SLMAP: variants seen among roughly 807,000 people sequenced by gnomAD.
The protein encoded by SLMAP is sarcolemmal membrane-associated protein.
In SLMAP, 44 loss-of-function variants were observed where a neutral mutation model predicts 128.8. That is an observed-to-expected ratio of 0.34 (90% confidence interval 0.27 to 0.44). SLMAP has a LOEUF of 0.44. Among genes scored for constraint, SLMAP ranks in the 20% least tolerant of loss-of-function variants. The probability of loss-of-function intolerance (pLI) is 1.00; values close to 1 mark genes in which losing one functional copy is unlikely to be tolerated. For synonymous variants in SLMAP, 327 were observed against 348.8 expected (o/e 0.94, Z 0.70); for missense variants, 787 against 985.3 (o/e 0.80, Z 2.69).
intron 22 of SLMAP, chr3:57,917,391 G>T: frequency 4.8e-6 from 2 of 417,550 alleles, no homozygotes; most frequent in South Asian, 2.6e-5. Flanking sequence ...AGAGAGTATC[G>T]TATGTAACTT....
chr3:57,908,894 A>G (rs1269235706), intron 18 of SLMAP, among the ~76,000 whole-genome samples, 182 bp from the exon 19 acceptor site: 2 of 152,238 alleles, frequency 1.3e-5, no homozygotes, highest in Non-Finnish European at 2.9e-5. Context: ...ATTACTTACT[A>G]CAGTTCTGTG....
intron 3 of SLMAP, among the ~76,000 whole-genome samples, chr3:57,832,766 T>G (rs954093306): frequency 2.6e-5 from 4 of 152,200 alleles, no homozygotes; most frequent in African/African-American, 9.6e-5. Flanking sequence ...AGTATTATTT[T>G]TAATGGGTTT....
chr3:57,929,031 A>G lies in SLMAP; in HGVS notation c.*1742A>G, dbSNP rs1447265352. 2.0e-5 allele frequency: 3 copies of G among 152,618 alleles called. No individual in the cohort carries two copies. The highest frequency in any genetic ancestry group is 3.8e-4 in the East Asian group (2 of 5,208). 9.5% of individuals were successfully genotyped at this position (152,618 alleles called of 1,614,324 possible). Reference sequence around the variant, plus strand: ...CTGAAATGCTTAACTTCAGAATTACATTTTTTAAAGTAAATAATTGTTTTA... The same window carrying G: ...CTGAAATGCTTAACTTCAGAATTACGTTTTTTAAAGTAAATAATTGTTTTA... On this transcript the variant is annotated 3_prime_UTR_variant, in exon 25 of 25. Transcript: ENST00000671191.
Position 57,858,130 on chromosome 3 carries a change from A to G in SLMAP, c.658A>G (p.Met220Val). ...EDRLLSRLEVMGNQLQACSKN... is the reference protein window; with the variant it reads ...EDRLLSRLEVVGNQLQACSKN... ...TAGACTCTTATCACGGTTAGAAGTT[A>G]TGGGAAACCAATTACAGGCATGCTC... The change falls in exon 8 of 25, where the codon ATG becomes GTG. Residue 220 changes from methionine to valine, a missense_variant. By Grantham distance (21) the Met-to-Val change is conservative. Around this residue, in one of 2 missense-constraint regions of SLMAP, gnomAD observed 715 missense variants for 843.6 expected, o/e 0.85. Transcript: ENST00000671191. The G allele has an allele frequency of 6.2e-7, 1 of 1,601,782 alleles. No individual in the cohort carries two copies. The highest frequency in any genetic ancestry group is 8.6e-7 in the Non-Finnish European group (1 of 1,168,870).
chr3:57,851,507 C>G (rs1398617786), intron 6 of SLMAP, among the ~76,000 whole-genome samples: 23 of 150,258 alleles, frequency 1.5e-4, no homozygotes, highest in Non-Finnish European at 3.2e-4. Context: ...GACTTTCGCT[C>G]TGTCACCCAC....
intron 14 of SLMAP, among the ~76,000 whole-genome samples, chr3:57,881,798 G>T (rs936898647): frequency 2.0e-5 from 3 of 152,090 alleles, no homozygotes; most frequent in Non-Finnish European, 4.4e-5. Flanking sequence ...TGATTCACAA[G>T]ATTTGAAAAT....
At chr3:57,913,592 A>T (rs1487369805) in intron 21 of SLMAP, among the ~76,000 whole-genome samples, 1 of 152,218 alleles carries the variant, frequency 6.6e-6, no homozygotes, top group South Asian at 2.1e-4. Context: ...TAAATTTCAA[A>T]TATCAACTGC....
At chr3:57,831,573 GTTAT>G (rs1560151244) in intron 3 of SLMAP, 43 bp downstream of exon 3, 2 of 1,339,924 alleles carry the variant, frequency 1.5e-6, no homozygotes, top group Non-Finnish European at 2.0e-6. Context: ...TCTTTTAAAG[GTTAT>G]TTAATTTTTT....
At chr3:57,797,018 A>AT (rs59415183) in intron 2 of SLMAP, among the ~76,000 whole-genome samples, 24,179 of 148,530 alleles carry the variant, frequency 0.16, 2,397 homozygotes, top group East Asian at 0.43. Flanking sequence ...CGTCTCTATA[A>AT]TTTTTTTTTT....
rs17554850 is a variant in SLMAP, at chr3:57,841,157, A to G, written c.347-142A>G. On this transcript the variant is annotated intron_variant, in intron 3 of 24. Coordinates refer to ENST00000671191, the MANE Select transcript of SLMAP (RefSeq NM_001377540.1). The stretch of plus-strand genomic sequence containing the variant: ...GGACAAGATGAGTTTCTCCAGGGTA[A>G]TAATGTCATTAAACCACTAGCTTTA... The G allele has an allele frequency of 0.12, 62,119 of 498,390 alleles. 4,225 individuals are homozygous for G. Among genetic ancestry groups the G allele is most frequent in the South Asian group, 0.16 (4,616 of 28,776 alleles). The allele number at this position is 498,390 out of a possible 1,614,324, so 30.9% of individuals were successfully genotyped here.
chr3:57,849,235 T>C (rs2094418274), intron 5 of SLMAP, among the ~76,000 whole-genome samples: 1 of 152,190 alleles, frequency 6.6e-6, no homozygotes, highest in Non-Finnish European at 1.5e-5. Flanking sequence ...TTCTATATTC[T>C]ACAGCCTTGA....
At chr3:57,923,189 G>A (rs1005346401) in intron 23 of SLMAP, among the ~76,000 whole-genome samples, 166 bp downstream of exon 23, 2 of 152,196 alleles carry the variant, frequency 1.3e-5, no homozygotes, top group African/African-American at 4.8e-5. Context: ...AGATTTTTGA[G>A]TAAGAATTTG....
At chr3:57,822,516 A>G (rs950982424) in intron 2 of SLMAP, among the ~76,000 whole-genome samples, 1 of 152,194 alleles carries the variant, frequency 6.6e-6, no homozygotes, top group African/African-American at 2.4e-5. Context: ...GAACATTTGC[A>G]GCATCCAAGG....
At chr3:57,908,523 G>A (rs1013411766) in intron 18 of SLMAP, among the ~76,000 whole-genome samples, 3 of 152,264 alleles carry the variant, frequency 2.0e-5, no homozygotes, top group African/African-American at 7.2e-5. Context: ...TCTCCAAGAT[G>A]GCCTTCCTGC....
intron 2 of SLMAP, among the ~76,000 whole-genome samples, chr3:57,825,500 C>CTTTTTTTTTT (rs539901060): frequency 5.6e-5 from 6 of 106,576 alleles, no homozygotes; most frequent in African/African-American, 1.0e-4. Flanking sequence ...TGTGTGTTTT[C>CTTTTTTTTTT]TTTTTTTTTT....
chr3:57,822,914 A>G (rs995004014), intron 2 of SLMAP, among the ~76,000 whole-genome samples: 2 of 152,242 alleles, frequency 1.3e-5, no homozygotes, highest in Non-Finnish European at 2.9e-5. Flanking sequence ...CAGTGACCAC[A>G]TATGGCAGGG....
intron 2 of SLMAP, among the ~76,000 whole-genome samples, chr3:57,762,784 C>T (rs1399117406): frequency 2.1e-5 from 3 of 143,392 alleles, no homozygotes; most frequent in Non-Finnish European, 3.0e-5. Context: ...GGCGCAATCT[C>T]GGCTCACTGC....
At chr3:57,823,802 T>G (rs2092718211) in intron 2 of SLMAP, among the ~76,000 whole-genome samples, 2 of 152,196 alleles carry the variant, frequency 1.3e-5, no homozygotes, top group African/African-American at 4.8e-5. Context: ...CACACTGACT[T>G]CCACAATGGT....
Position 57,896,547 on chromosome 3 carries a change from A to G in SLMAP, c.1397A>G (p.Asp466Gly). The stretch of plus-strand genomic sequence containing the variant: ...AGAGCAAAAGAATCTGATTTTTCAG[A>G]TACTCTGAGTCCAAGCAAGGAAAAA... ...QTRAKESDFS[D>G]TLSPSKEKSS... The change falls in exon 16 of 25, where the codon GAT becomes GGT. Residue 466 changes from aspartate to glycine, a missense_variant. Transcript: ENST00000671191. 1 of 1,610,030 alleles carries G rather than the reference A, an allele frequency of 6.2e-7. No homozygotes were observed. The highest frequency in any genetic ancestry group is 8.5e-7 in the Non-Finnish European group (1 of 1,178,712).
Sources: allele counts gnomAD v4.1 joint callset (sites outside exome capture counted in the v4.1 genomes callset), GRCh38; gene constraint gnomAD v4.1.1; regional missense constraint gnomAD v4.1.1; transcripts MANE v1.5; gene names NCBI Gene and HGNC (gene_info 2026-07-23, HGNC 2026-07-21).